The following DISC1 variants were observed in gnomAD, a reference collection of about 807,000 sequenced individuals.
DISC1 encodes disrupted in schizophrenia 1 protein.
A neutral mutation model predicts 84.5 loss-of-function variants in DISC1; 57 were observed. That is an observed-to-expected ratio of 0.67 (90% CI 0.55 to 0.84). DISC1 has a LOEUF of 0.84. Among genes scored for constraint, DISC1 ranks in the 40% least tolerant of loss-of-function variants. DISC1 has a pLI of 0.00. For missense variants in DISC1, 1,000 were observed against 1,057.8 expected, an observed-to-expected ratio of 0.95 and a Z score of 0.76; for synonymous variants, 411 against 415.2, an observed-to-expected ratio of 0.99 and a Z score of 0.12.
chr1:231,658,538 G>A (rs1477750911), intron 1 of DISC1, among the ~76,000 whole-genome samples: 2 of 152,170 alleles, frequency 1.3e-5, no homozygotes, highest in East Asian at 1.9e-4. Context: ...GGCGAGAGAG[G>A]ACATCTTGTT....
At chr1:231,658,691 A>T (rs986807086) in intron 1 of DISC1, among the ~76,000 whole-genome samples, 2 of 152,052 alleles carry the variant, frequency 1.3e-5, no homozygotes, top group African/African-American at 2.4e-5. Flanking sequence ...ACATGAAGGG[A>T]TGCCAGATTT....
chr1:231,978,497 T>C (rs1663137697), intron 10 of DISC1, among the ~76,000 whole-genome samples: 1 of 152,230 alleles, frequency 6.6e-6, no homozygotes. Context: ...GTCTAATTCT[T>C]TCTCCTAATG....
At chr1:232,016,259 C>G (rs977809933) in intron 11 of DISC1, among the ~76,000 whole-genome samples, 2 of 152,212 alleles carry the variant, frequency 1.3e-5, no homozygotes, top group African/African-American at 4.8e-5. Flanking sequence ...GGATTTGATT[C>G]TGTCTTCATA....
rs185341265 is a variant in DISC1, at chr1:231,817,237, A to T, written c.1793-1092A>T. On this transcript the variant is annotated intron_variant, in intron 8 of 12. Coordinates refer to ENST00000439617, the MANE Select transcript of DISC1 (RefSeq NM_018662.3). Reference sequence around the variant, plus strand: ...GTAGCTGGGATTACAGGTGCTTACCACTGTGCCAGATTAATTTTTATATTT... The same window carrying T: ...GTAGCTGGGATTACAGGTGCTTACCTCTGTGCCAGATTAATTTTTATATTT... 2.6e-3 allele frequency among the ~76,000 whole-genome samples: 389 copies of T among 152,226 alleles called. 1 individual carries two copies. Among genetic ancestry groups the T allele is most frequent in the African/African-American group, 9.0e-3 (374 of 41,542 alleles).
chr1:231,689,233 T>C (rs1486201668), intron 1 of DISC1, among the ~76,000 whole-genome samples: 1 of 152,222 alleles, frequency 6.6e-6, no homozygotes, highest in Non-Finnish European at 1.5e-5. Context: ...GTGCATTCCC[T>C]GCAGCATTCT....
At chr1:231,941,788 T>G (rs950925692) in intron 9 of DISC1, among the ~76,000 whole-genome samples, 3 of 151,766 alleles carry the variant, frequency 2.0e-5, no homozygotes, top group Non-Finnish European at 4.4e-5. Flanking sequence ...CGAATTCTAA[T>G]GGGAAAGACA....
chr1:231,801,589 C>T (rs1365040508), intron 8 of DISC1, among the ~76,000 whole-genome samples: 1 of 152,142 alleles, frequency 6.6e-6, no homozygotes, highest in African/African-American at 2.4e-5. Context: ...TGGTAACTGA[C>T]CTTTTGACCT....
At chr1:231,656,668 CA>C (rs1331800086) in intron 1 of DISC1, among the ~76,000 whole-genome samples, 2 of 151,982 alleles carry the variant, frequency 1.3e-5, no homozygotes, top group Non-Finnish European at 2.9e-5. Flanking sequence ...GGAGGATGTG[CA>C]GGTTTGTTAC....
Position 232,009,074 on chromosome 1 carries a change from A to C in DISC1, c.2307+25A>C, listed in dbSNP as rs751454832. ...GGTCTGTCCTTTTCACATGGCCTCCAGAGGGGACCCTTATTCTAAGGGGTG... is the reference window on the plus strand; with the variant it reads ...GGTCTGTCCTTTTCACATGGCCTCCCGAGGGGACCCTTATTCTAAGGGGTG... On this transcript the variant is annotated intron_variant, in intron 11 of 12. Transcript: ENST00000439617. The surrounding 1 kb of genome is among the most constrained non-coding windows in gnomAD (Gnocchi z 4.6). 2 of 1,613,576 alleles carry C rather than the reference A, an allele frequency of 1.2e-6. No individual in the cohort carries two copies. The highest frequency in any genetic ancestry group is 1.7e-6 in the Non-Finnish European group (2 of 1,179,730).
intron 9 of DISC1, among the ~76,000 whole-genome samples, chr1:231,823,609 C>T (rs1300377517): frequency 6.6e-6 from 1 of 152,198 alleles, no homozygotes; most frequent in African/African-American, 2.4e-5. Context: ...ATTTATAACA[C>T]ATGCAGAAAG....
intron 1 of DISC1, among the ~76,000 whole-genome samples, chr1:231,642,032 A>C (rs949905081): frequency 6.6e-6 from 1 of 152,200 alleles, no homozygotes; most frequent in African/African-American, 2.4e-5. Context: ...CGGGCTGCAC[A>C]GGAGCCCACG....
intron 9 of DISC1, among the ~76,000 whole-genome samples, chr1:231,892,215 A>C (rs893570022): frequency 6.6e-6 from 1 of 152,192 alleles, no homozygotes; most frequent in Non-Finnish European, 1.5e-5. Flanking sequence ...CAGGAAGAAG[A>C]AGCAGTATAT....
intron 1 of DISC1, among the ~76,000 whole-genome samples, chr1:231,685,589 A>AATGTAGGCGC (rs1207012954): frequency 6.6e-6 from 1 of 152,020 alleles, no homozygotes. Context: ...AGTAGCTGGG[A>AATGTAGGCGC]CTGTAGGCGC....
chr1:231,759,545 A>AAC (rs1558492759), intron 4 of DISC1, among the ~76,000 whole-genome samples: 1 of 144,400 alleles, frequency 6.9e-6, no homozygotes, highest in Non-Finnish European at 1.5e-5. Context: ...AAAAAAAAAA[A>AAC]AAAAAACAAA....
At chr1:231,795,663 T>C (rs111676508) in intron 7 of DISC1, among the ~76,000 whole-genome samples, 18,654 of 152,150 alleles carry the variant, frequency 0.12, 1,229 homozygotes, top group Non-Finnish European at 0.14. Flanking sequence ...CCGAGGTGGG[T>C]GGATCACCTG....
At chr1:231,882,410 G>T (rs1478889636) in intron 9 of DISC1, among the ~76,000 whole-genome samples, 1 of 152,152 alleles carries the variant, frequency 6.6e-6, no homozygotes, top group Admixed American at 6.5e-5. Flanking sequence ...AAACGTAGTT[G>T]ACAGGAATTA....
At chr1:231,987,321 T>C (rs1664585717) in intron 10 of DISC1, among the ~76,000 whole-genome samples, 1 of 152,208 alleles carries the variant, frequency 6.6e-6, no homozygotes, top group African/African-American at 2.4e-5. Flanking sequence ...GCCTTAGAAC[T>C]ATTCAGTCAC....
intron 1 of DISC1, among the ~76,000 whole-genome samples, chr1:231,648,793 T>G (rs1179694952): frequency 2.6e-5 from 4 of 152,206 alleles, no homozygotes; most frequent in Non-Finnish European, 5.9e-5. Context: ...TGGGAGGGTG[T>G]ATGTGTCCAG....
intron 9 of DISC1, among the ~76,000 whole-genome samples, chr1:231,933,885 C>T (rs1323722370): frequency 6.6e-6 from 1 of 152,174 alleles, no homozygotes; most frequent in Non-Finnish European, 1.5e-5. Flanking sequence ...CAGGGTGAGA[C>T]ACCAAGAGCC....
Sources: gnomAD v4.1 joint callset for allele counts (sites outside exome capture counted in the v4.1 genomes callset) on GRCh38, gnomAD v4.1.1 for gene constraint, Gnocchi (gnomAD v3.1) non-coding constraint, MANE v1.5 for transcripts, NCBI Gene and HGNC (gene_info 2026-07-23, HGNC 2026-07-21) for gene names.